Variants in EYS observed in about 807,000 individuals in gnomAD.
The protein encoded by EYS is protein eyes shut homolog.
Under a neutral mutation model 282.1 loss-of-function variants are expected in EYS, and 250 were observed. The observed-to-expected ratio is 0.89, with a 90% CI of 0.80 to 0.98. The LOEUF is 0.98. Ranked by LOEUF, EYS falls within the 50% of genes least tolerant of loss-of-function variation. The probability of loss-of-function intolerance (pLI) is 0.00; values close to 1 mark genes in which losing one functional copy is unlikely to be tolerated. For synonymous variants in EYS, 1,355 were observed against 1,282.9 expected (o/e 1.06, Z -1.20); for missense variants, 4,016 against 3,709.0 (o/e 1.08, Z -2.15).
At chr6:63,995,022 G>A (rs1423179551) in intron 34 of EYS, among the ~76,000 whole-genome samples, 1 of 151,840 alleles carries the variant, frequency 6.6e-6, no homozygotes, top group Non-Finnish European at 1.5e-5. Flanking sequence ...AAATAGACAA[G>A]TGGGACCTAT....
chr6:65,425,816 T>C (rs1767637839), intron 5 of EYS, among the ~76,000 whole-genome samples: 1 of 152,102 alleles, frequency 6.6e-6, no homozygotes, highest in Admixed American at 6.6e-5. Context: ...TCAGCAGGTA[T>C]TGGAGCACTT....
At position 64,349,905 on chromosome 6, in the gene EYS, A is replaced by C. The variant is rs948096992; in HGVS notation, c.6078+38785T>G. 1.3e-5 allele frequency among the ~76,000 whole-genome samples: 2 copies of C among 151,534 alleles called. 1 individual carries two copies. The highest frequency in any genetic ancestry group is 3.0e-5 in the Non-Finnish European group (2 of 67,646). Reference sequence around the variant, plus strand: ...GAAATATCTACTTGAAGAAGTCAGCAATAAAAATAAATGGAATTTTAAGTC... The same window carrying C: ...GAAATATCTACTTGAAGAAGTCAGCCATAAAAATAAATGGAATTTTAAGTC... On this transcript the variant is annotated intron_variant, in intron 29 of 42. Coordinates refer to ENST00000503581, the MANE Select transcript of EYS (RefSeq NM_001142800.2).
chr6:65,043,641 G>T (rs1056559191), intron 13 of EYS, among the ~76,000 whole-genome samples: 1 of 151,164 alleles, frequency 6.6e-6, no homozygotes, highest in African/African-American at 2.4e-5. Context: ...AGATTATTTG[G>T]TACTTTTCTT....
intron 1 of EYS, among the ~76,000 whole-genome samples, chr6:65,642,837 A>G (rs542609108): frequency 1.3e-4 from 20 of 152,324 alleles, no homozygotes; most frequent in Non-Finnish European, 1.9e-4. Flanking sequence ...CAATCCTCCC[A>G]TTATGGGAAA....
chr6:65,334,920 A>G, intron 11 of EYS, 60 bp downstream of exon 11: 1 of 1,489,474 alleles, frequency 6.7e-7, no homozygotes, highest in South Asian at 1.1e-5. Flanking sequence ...TTCGATGACT[A>G]TCAATTTAAT....
intron 12 of EYS, among the ~76,000 whole-genome samples, chr6:65,183,708 A>C (rs544584971): frequency 6.6e-6 from 1 of 151,948 alleles, no homozygotes; most frequent in African/African-American, 2.4e-5. Flanking sequence ...TTAGTATTTT[A>C]TATTTTCTAT....
At chr6:64,536,890 A>G (rs1319292420) in intron 26 of EYS, among the ~76,000 whole-genome samples, 1 of 151,816 alleles carries the variant, frequency 6.6e-6, no homozygotes, top group Non-Finnish European at 1.5e-5. Context: ...CAATCAGATT[A>G]TATGATTTTT....
chr6:63,736,513 G>C (rs916254428), intron 41 of EYS, among the ~76,000 whole-genome samples: 5 of 152,072 alleles, frequency 3.3e-5, no homozygotes, highest in African/African-American at 1.2e-4. Flanking sequence ...TTTGAAGTCA[G>C]GTAGCGTGAT....
intron 35 of EYS, among the ~76,000 whole-genome samples, chr6:63,948,297 A>T (rs1005304561): frequency 7.2e-5 from 11 of 152,180 alleles, no homozygotes; most frequent in African/African-American, 2.7e-4. Flanking sequence ...CCACAAGATG[A>T]ATTCTCAATC....
intron 22 of EYS, among the ~76,000 whole-genome samples, chr6:64,756,498 T>C (rs1440736980): frequency 6.6e-6 from 1 of 152,184 alleles, no homozygotes; most frequent in African/African-American, 2.4e-5. Context: ...GATTATTTCC[T>C]CAAATTTAAG....
chr6:64,260,710 ATGCTTT>A (rs1171346028), intron 30 of EYS, among the ~76,000 whole-genome samples: 4 of 152,072 alleles, frequency 2.6e-5, no homozygotes, highest in Non-Finnish European at 5.9e-5. Flanking sequence ...TAGGACTGTT[ATGCTTT>A]TATTCTATAG....
At chr6:63,864,095 G>T in intron 36 of EYS, 91 bp downstream of exon 36, 1 of 1,200,432 alleles carries the variant, frequency 8.3e-7, no homozygotes. Context: ...TATTTGATCA[G>T]TCAAGTGCTA....
chr6:64,880,954 A>G (rs7774169), intron 19 of EYS, among the ~76,000 whole-genome samples: 122,935 of 150,494 alleles, frequency 0.82, 50,213 homozygotes, highest in East Asian at 0.85. Context: ...TTTTTTTTTG[A>G]TCATAGCTTT....
chr6:65,379,411 C>A (rs1562136654), intron 8 of EYS, among the ~76,000 whole-genome samples: 1 of 152,038 alleles, frequency 6.6e-6, no homozygotes, highest in Non-Finnish European at 1.5e-5. Context: ...CGACGAAATT[C>A]AACACCGCTT....
chr6:65,491,270 T>C (rs75484298), intron 4 of EYS: 15,940 of 170,298 alleles, frequency 0.094, 1,204 homozygotes, highest in African/African-American at 0.18. Flanking sequence ...ATCAGTTATA[T>C]ACACACACAC....
chr6:64,628,382 T>C lies in EYS; in HGVS notation c.3444-2137A>G, dbSNP rs1767677231. Among the ~76,000 whole-genome samples, 4 of 152,256 alleles carry C rather than the reference T, an allele frequency of 2.6e-5. No individual in the cohort carries two copies. In the South Asian group the frequency reaches 8.3e-4, roughly 31 times the overall value. ...ATTGTCTTTCCTTGAATATCATAAA[T>C]TGTTCTTCAAAAATGCATTATCAAT... is the stretch of plus-strand genomic sequence containing the variant. On this transcript the variant is annotated intron_variant, in intron 22 of 42. Coordinates refer to ENST00000503581, the MANE Select transcript of EYS (RefSeq NM_001142800.2).
chr6:64,525,547 G>A (rs1275626488), intron 26 of EYS, among the ~76,000 whole-genome samples: 1 of 151,534 alleles, frequency 6.6e-6, no homozygotes, highest in East Asian at 1.9e-4. Context: ...AGGAAGGAGA[G>A]GATCAGAAAA....
intron 12 of EYS, among the ~76,000 whole-genome samples, chr6:65,170,484 C>T (rs1765080292): frequency 6.6e-6 from 1 of 151,432 alleles, no homozygotes; most frequent in Non-Finnish European, 1.5e-5. Flanking sequence ...TCCTATGAGT[C>T]TAAGTGGTGA....
At chr6:64,294,854 T>C (rs1017641761) in intron 30 of EYS, among the ~76,000 whole-genome samples, 4 of 152,196 alleles carry the variant, frequency 2.6e-5, no homozygotes, top group African/African-American at 9.6e-5. Flanking sequence ...AGTTATGAAT[T>C]ACATGCCTTT....
Sources: allele counts gnomAD v4.1 joint callset (sites outside exome capture counted in the v4.1 genomes callset), GRCh38; gene constraint gnomAD v4.1.1; transcripts MANE v1.5; gene names NCBI Gene and HGNC (gene_info 2026-07-23, HGNC 2026-07-21).